The following TP63 variants were observed in gnomAD, a reference collection of about 807,000 sequenced individuals.
TP63 encodes the protein tumor protein p63, also known as tumor protein 63.
In TP63, 17 loss-of-function variants were observed where a neutral mutation model predicts 82.8. The ratio of observed to expected loss-of-function variants is 0.21; its 90% CI spans 0.14 to 0.31. The LOEUF (loss-of-function observed/expected upper bound fraction) is 0.31, where lower values mean the gene tolerates loss of function less well. Ranked by LOEUF, TP63 falls within the 10% of genes least tolerant of loss-of-function variation. The pLI is 1.00. For missense variants in TP63, 648 were observed against 895.3 expected (o/e 0.72, Z 3.52); for synonymous variants, 330 against 321.7 (o/e 1.03, Z -0.28).
At chr3:189,838,839 G>T (rs1481718070) in intron 4 of TP63, among the ~76,000 whole-genome samples, 1 of 151,738 alleles carries the variant, frequency 6.6e-6, no homozygotes, top group Non-Finnish European at 1.5e-5. Context: ...TCAGCATATT[G>T]GTTTCCTGTA....
rs75602803 is a variant in TP63, at chr3:189,832,862, A to G, written c.579+24336A>G. Among the ~76,000 whole-genome samples, 476 of 152,320 alleles carry G rather than the reference A, an allele frequency of 3.1e-3. 4 individuals are homozygous for G. The highest frequency in any genetic ancestry group is 0.011 in the African/African-American group (467 of 41,572). On this transcript the variant is annotated intron_variant, in intron 4 of 13. Coordinates refer to ENST00000264731, the MANE Select transcript of TP63 (RefSeq NM_003722.5). ...TACCAAATGAATAGAGAGCTATGCT[A>G]TAAGTCTAGGGATGAGTGATCCTTG...
intron 1 of TP63, among the ~76,000 whole-genome samples, chr3:189,708,758 A>C (rs935231325): frequency 7.9e-5 from 12 of 152,214 alleles, no homozygotes; most frequent in African/African-American, 2.2e-4. Flanking sequence ...TCTATAATGA[A>C]CATCGCCTAA....
chr3:189,681,758 A>G (rs1715924551), intron 1 of TP63, among the ~76,000 whole-genome samples: 2 of 152,210 alleles, frequency 1.3e-5, no homozygotes, highest in South Asian at 4.2e-4. Context: ...GGTACAATAT[A>G]TGGATACTTC....
chr3:189,663,325 T>C (rs899577392), intron 1 of TP63, among the ~76,000 whole-genome samples: 1 of 152,116 alleles, frequency 6.6e-6, no homozygotes, highest in Non-Finnish European at 1.5e-5. Flanking sequence ...AAGTTCTTTT[T>C]CATCAATGAA....
At chr3:189,774,812 C>A (rs909368106) in intron 3 of TP63, among the ~76,000 whole-genome samples, 1 of 152,144 alleles carries the variant, frequency 6.6e-6, no homozygotes, top group Admixed American at 6.5e-5. Flanking sequence ...TCAGATACAG[C>A]AAATCATCTG....
chr3:189,855,462 T>C (rs1716170638), intron 4 of TP63, among the ~76,000 whole-genome samples: 1 of 152,172 alleles, frequency 6.6e-6, no homozygotes, highest in Non-Finnish European at 1.5e-5. Context: ...AGCCAATTTA[T>C]ATACTAAACT....
intron 10 of TP63, among the ~76,000 whole-genome samples, chr3:189,874,183 C>A (rs991356184): frequency 1.3e-5 from 2 of 152,082 alleles, no homozygotes; most frequent in African/African-American, 4.8e-5. Flanking sequence ...GATTCTCCTG[C>A]CTCAGCCTCC....
chr3:189,785,797 T>G (rs1253963425), intron 3 of TP63, among the ~76,000 whole-genome samples: 1 of 152,002 alleles, frequency 6.6e-6, no homozygotes, highest in Non-Finnish European at 1.5e-5. Context: ...ATGATCAGAG[T>G]TGCACTTTAG....
chr3:189,631,790 G>A (rs536347892), intron 1 of TP63, among the ~76,000 whole-genome samples: 1 of 152,160 alleles, frequency 6.6e-6, no homozygotes, highest in South Asian at 2.1e-4. Context: ...GAAAAAATTT[G>A]AAGCGAATCT....
chr3:189,676,051 G>T (rs1044781072), intron 1 of TP63, among the ~76,000 whole-genome samples: 21 of 152,100 alleles, frequency 1.4e-4, no homozygotes, highest in African/African-American at 4.1e-4. Context: ...AAATTATATA[G>T]ATTTATATTG....
chr3:189,827,276 C>T (rs1198150360), intron 4 of TP63, among the ~76,000 whole-genome samples: 8 of 152,168 alleles, frequency 5.3e-5, no homozygotes, highest in Non-Finnish European at 1.2e-4. Flanking sequence ...CTCTGTCTGC[C>T]ATGCAGACTC....
the TP63 span, among the ~76,000 whole-genome samples, chr3:189,608,952 T>TA: frequency 2.9e-5 from 1 of 34,894 alleles, no homozygotes; most frequent in Non-Finnish European, 8.8e-5. Flanking sequence ...AATGCATGGG[T>TA]ACAAGTAGTT....
intron 1 of TP63, among the ~76,000 whole-genome samples, chr3:189,737,461 A>C (rs1560146379): frequency 6.6e-6 from 1 of 152,054 alleles, no homozygotes; most frequent in Non-Finnish European, 1.5e-5. Context: ...CGGATAGTGG[A>C]GGTATAGAGC....
At chr3:189,824,438 G>A (rs1729124244) in intron 4 of TP63, among the ~76,000 whole-genome samples, 1 of 151,908 alleles carries the variant, frequency 6.6e-6, no homozygotes, top group Non-Finnish European at 1.5e-5. Context: ...TCACCATGTT[G>A]GCCAGGCTGG....
At chr3:189,866,016 T>C (rs1241513818) in intron 5 of TP63, among the ~76,000 whole-genome samples, 1 of 152,232 alleles carries the variant, frequency 6.6e-6, no homozygotes, top group Non-Finnish European at 1.5e-5. Context: ...AAAAACAGCT[T>C]TACGGGTCCC....
At chr3:189,792,432 A>G (rs1246166799) in intron 3 of TP63, among the ~76,000 whole-genome samples, 3 of 152,002 alleles carry the variant, frequency 2.0e-5, no homozygotes, top group Admixed American at 6.6e-5. Context: ...AAAACAAAAC[A>G]AAACTGGGCT....
intron 1 of TP63, among the ~76,000 whole-genome samples, chr3:189,661,603 C>T (rs1394212361): frequency 3.3e-5 from 5 of 151,938 alleles, no homozygotes; most frequent in Admixed American, 2.0e-4. Flanking sequence ...TAGTTAGGGA[C>T]GAGTCCCTCA....
At chr3:189,839,688 G>A (rs1034040589) in intron 4 of TP63, among the ~76,000 whole-genome samples, 5 of 152,204 alleles carry the variant, frequency 3.3e-5, no homozygotes, top group Non-Finnish European at 7.3e-5. Context: ...CAGCTAAATA[G>A]TGTGATGCAA....
At chr3:189,678,122 A>AT (rs1328422207) in intron 1 of TP63, among the ~76,000 whole-genome samples, 5 of 151,530 alleles carry the variant, frequency 3.3e-5, no homozygotes, top group Non-Finnish European at 7.4e-5. Context: ...TCTATTTTGG[A>AT]TTTTTTTCTA....
Sources: gnomAD v4.1 joint callset for allele counts (sites outside exome capture counted in the v4.1 genomes callset) on GRCh38, gnomAD v4.1.1 for gene constraint, MANE v1.5 for transcripts, NCBI Gene and HGNC (gene_info 2026-07-23, HGNC 2026-07-21) for gene names.